ACSS3: variants seen among roughly 807,000 people sequenced by gnomAD.
ACSS3 encodes the protein acyl-CoA synthetase short chain family member 3.
A neutral mutation model predicts 84.2 loss-of-function variants in ACSS3; 64 were observed. The ratio of observed to expected loss-of-function variants is 0.76; its 90% CI spans 0.62 to 0.94. The LOEUF is 0.94. Ranked by LOEUF, ACSS3 falls within the 40% of genes least tolerant of loss-of-function variation. The pLI, the probability that ACSS3 is intolerant of heterozygous loss-of-function variation, is 0.00. For missense variants in ACSS3, 815 were observed against 867.6 expected (o/e 0.94, Z 0.76); for synonymous variants, 317 against 310.1 (o/e 1.02, Z -0.23).
chr12:81,089,568 G>A (rs1481327017), intron 1 of ACSS3, among the ~76,000 whole-genome samples: 1 of 151,930 alleles, frequency 6.6e-6, no homozygotes, highest in African/African-American at 2.4e-5. Flanking sequence ...TCCTTTGAGT[G>A]TTTATGGGAT....
intron 13 of ACSS3, among the ~76,000 whole-genome samples, chr12:81,240,271 G>A (rs1050896337): frequency 1.3e-5 from 2 of 151,628 alleles, no homozygotes; most frequent in African/African-American, 2.4e-5. Flanking sequence ...ATGCCTTCTC[G>A]GGTTATTGAC....
chr12:81,144,171 A>G (rs961956935), intron 5 of ACSS3, among the ~76,000 whole-genome samples: 3 of 151,780 alleles, frequency 2.0e-5, no homozygotes, highest in Non-Finnish European at 1.5e-5. Context: ...TTAAAAGGAA[A>G]TTTAAGATGT....
chr12:81,086,776 A>G (rs1881344432), intron 1 of ACSS3, among the ~76,000 whole-genome samples: 1 of 152,078 alleles, frequency 6.6e-6, no homozygotes, highest in Admixed American at 6.6e-5. Context: ...CTGCAACTCC[A>G]TGAGGGAGAT....
intron 9 of ACSS3, 98 bp downstream of exon 9, chr12:81,199,542 C>A: frequency 6.8e-7 from 1 of 1,465,026 alleles, no homozygotes; most frequent in Non-Finnish European, 9.3e-7. Flanking sequence ...GCAGATCAGA[C>A]ACAAACTCGG....
chr12:81,149,646 A>G (rs989196686), intron 5 of ACSS3, among the ~76,000 whole-genome samples: 3 of 152,222 alleles, frequency 2.0e-5, no homozygotes, highest in African/African-American at 7.2e-5. Context: ...TTTTATACTC[A>G]TTCTTTAAAA....
Position 81,212,197 on chromosome 12 carries a change from A to G in ACSS3, c.1355-4704A>G, listed in dbSNP as rs146291985. ...ACACCACACATTTTACTCTTGTATAATATGTTGTTCATTATCTCCCCAGTT... is the reference window on the plus strand; with the variant it reads ...ACACCACACATTTTACTCTTGTATAGTATGTTGTTCATTATCTCCCCAGTT... On this transcript the variant is annotated intron_variant, in intron 9 of 15. Transcript: ENST00000548058. Among the ~76,000 whole-genome samples, 302 of 152,306 alleles carry G rather than the reference A, an allele frequency of 2.0e-3. 1 individual carries two copies. Among genetic ancestry groups the G allele is most frequent in the African/African-American group, 6.8e-3 (281 of 41,578 alleles).
chr12:81,159,990 A>C (rs112147899), intron 7 of ACSS3, among the ~76,000 whole-genome samples: 46 of 152,218 alleles, frequency 3.0e-4, no homozygotes, highest in Non-Finnish European at 4.1e-4. Context: ...TGTTGTACAC[A>C]TATTTCAATT....
rs534285882 is a variant in ACSS3 at position 81,101,356 on chromosome 12, G to A, written c.312-8204G>A. On this transcript the variant is annotated intron_variant, in intron 1 of 15. Transcript: ENST00000548058. ...AATCACCCATTCAGTATGTAAATACGTGCTCAAATAACTCAAATAACACAG... is the reference window on the plus strand; with the variant it reads ...AATCACCCATTCAGTATGTAAATACATGCTCAAATAACTCAAATAACACAG... Among the ~76,000 whole-genome samples the A allele has an allele frequency of 4.1e-4, 62 of 151,786 alleles. 1 individual carries two copies. The highest frequency in any genetic ancestry group is 1.2e-3 in the African/African-American group (49 of 41,406).
chr12:81,135,657 G>T (rs898117296), intron 3 of ACSS3, among the ~76,000 whole-genome samples: 5 of 151,562 alleles, frequency 3.3e-5, no homozygotes, highest in African/African-American at 1.2e-4. Flanking sequence ...CATATAGAGT[G>T]GTATAATGGA....
At chr12:81,247,410 TCTCACTGTATGTAACAGCAGAATG>T (rs1336124932) in intron 13 of ACSS3, among the ~76,000 whole-genome samples, 1 of 152,118 alleles carries the variant, frequency 6.6e-6, no homozygotes, top group African/African-American at 2.4e-5. Context: ...CTGAAATCCT[TCTCACTGTATGTAACAGCAGAATG>T]AGATAGGCAG....
At chr12:81,109,782 G>T in intron 2 of ACSS3, 78 bp downstream of exon 2, 1 of 1,191,258 alleles carries the variant, frequency 8.4e-7, no homozygotes, top group East Asian at 2.8e-5. Flanking sequence ...TCATTGTAGA[G>T]CCTTCAATTC....
intron 11 of ACSS3, among the ~76,000 whole-genome samples, chr12:81,220,866 G>T (rs1241844679): frequency 1.3e-5 from 2 of 151,574 alleles, no homozygotes; most frequent in African/African-American, 4.8e-5. Context: ...AGCATTTTTT[G>T]AATTTTGATG....
chr12:81,141,326 T>C (rs1886082617), intron 4 of ACSS3, among the ~76,000 whole-genome samples: 1 of 152,134 alleles, frequency 6.6e-6, no homozygotes, highest in Non-Finnish European at 1.5e-5. Context: ...TTGCTTTGAA[T>C]TTAGAGAGAC....
chr12:81,091,185 G>A (rs898760672), intron 1 of ACSS3, among the ~76,000 whole-genome samples: 3 of 151,888 alleles, frequency 2.0e-5, no homozygotes, highest in East Asian at 1.9e-4. Context: ...TGCCTCTTAG[G>A]CACATATGAG....
At chr12:81,197,457 G>T (rs924339640) in intron 8 of ACSS3, among the ~76,000 whole-genome samples, 2 of 152,094 alleles carry the variant, frequency 1.3e-5, no homozygotes, top group Non-Finnish European at 2.9e-5. Context: ...TTCTGTTGAA[G>T]TTCATGCTAT....
chr12:81,111,382 G>A (rs4584646), intron 2 of ACSS3, among the ~76,000 whole-genome samples: 53,378 of 152,056 alleles, frequency 0.35, 11,864 homozygotes, highest in Non-Finnish European at 0.5. Context: ...CCCCATACAA[G>A]ACATGGGGTT....
intron 13 of ACSS3, among the ~76,000 whole-genome samples, chr12:81,241,253 G>C (rs1032635581): frequency 7.9e-5 from 12 of 151,972 alleles, no homozygotes; most frequent in African/African-American, 2.2e-4. Flanking sequence ...CATTTGGGTT[G>C]GTTCCAAGTC....
intron 13 of ACSS3, among the ~76,000 whole-genome samples, chr12:81,245,071 A>G (rs999908884): frequency 6.6e-6 from 1 of 152,170 alleles, no homozygotes; most frequent in Non-Finnish European, 1.5e-5. Flanking sequence ...GGGGAGGAGA[A>G]GTATTCTGTA....
At chr12:81,114,441 C>G (rs1446537707) in intron 2 of ACSS3, among the ~76,000 whole-genome samples, 1 of 152,030 alleles carries the variant, frequency 6.6e-6, no homozygotes, top group African/African-American at 2.4e-5. Flanking sequence ...GTAAGATAAT[C>G]TGACATTTTT....
Sources: allele counts gnomAD v4.1 joint callset (sites outside exome capture counted in the v4.1 genomes callset), GRCh38; gene constraint gnomAD v4.1.1; transcripts MANE v1.5; gene names NCBI Gene and HGNC (gene_info 2026-07-23, HGNC 2026-07-21).